SMC5: variants seen among roughly 807,000 people sequenced by gnomAD.
SMC5 encodes structural maintenance of chromosomes 5, also known as structural maintenance of chromosomes protein 5.
A neutral mutation model predicts 148.3 loss-of-function variants in SMC5; 88 were observed. The observed-to-expected ratio is 0.59, with a 90% CI of 0.50 to 0.71. The LOEUF is 0.71. SMC5 is among the 30% of genes least tolerant of loss of function. SMC5 has a pLI of 0.00. For synonymous variants in SMC5, 421 were observed against 432.8 expected (o/e 0.97, Z 0.34); for missense variants, 1,142 against 1,298.9 (o/e 0.88, Z 1.86).
chr9:70,282,558 A>G lies in SMC5; in HGVS notation c.956A>G (p.Asn319Ser). ...RIEEMENERH[N>S]LEARIKEKAT... The stretch of plus-strand genomic sequence containing the variant: ...GAAGAAATGGAAAACGAGCGTCACA[A>G]TTTGGAGGCTCGAATCAAAGAAAAG... The change falls in exon 7 of 25, where the codon AAT becomes AGT. Residue 319 changes from asparagine to serine, a missense_variant. Coordinates refer to ENST00000361138, the MANE Select transcript of SMC5 (RefSeq NM_015110.4). 6.3e-7 allele frequency: 1 copy of G among 1,583,796 alleles called. No individual in the cohort carries two copies. Among genetic ancestry groups the G allele is most frequent in the Non-Finnish European group, 8.5e-7 (1 of 1,169,842 alleles).
At chr9:70,282,830 G>A (rs991888265) in intron 7 of SMC5, among the ~76,000 whole-genome samples, 9 of 152,102 alleles carry the variant, frequency 5.9e-5, no homozygotes, top group Non-Finnish European at 1.3e-4. Flanking sequence ...TTAGGTACAA[G>A]AGGATTCATA....
chr9:70,335,664 C>T (rs1396216973), intron 17 of SMC5, among the ~76,000 whole-genome samples: 1 of 152,084 alleles, frequency 6.6e-6, no homozygotes, highest in Non-Finnish European at 1.5e-5. Flanking sequence ...AGAGCATACA[C>T]TATATAATTT....
intron 9 of SMC5, among the ~76,000 whole-genome samples, chr9:70,299,307 A>G (rs571795353): frequency 6.8e-4 from 103 of 152,054 alleles, no homozygotes; most frequent in Middle Eastern, 6.8e-3. Context: ...CACTTCATTG[A>G]TAGCTTTTAA....
chr9:70,296,502 G>A (rs540966247), intron 8 of SMC5, among the ~76,000 whole-genome samples: 43 of 150,692 alleles, frequency 2.9e-4, no homozygotes, highest in African/African-American at 1.0e-3. Context: ...GCAGTGAACC[G>A]AGATCGCACC....
At chr9:70,330,311 T>C in intron 17 of SMC5, among the ~76,000 whole-genome samples, 1 of 152,104 alleles carries the variant, frequency 6.6e-6, no homozygotes. Flanking sequence ...TTCACCCCAG[T>C]TGTTACAATC....
chr9:70,323,573 G>T lies in SMC5; in HGVS notation c.2241G>T (p.Ala747=), dbSNP rs374922058. 7 of 1,611,896 alleles carry T rather than the reference G, an allele frequency of 4.3e-6. No individual in the cohort carries two copies. The highest frequency in any genetic ancestry group is 5.9e-6 in the Non-Finnish European group (7 of 1,179,232). The stretch of plus-strand genomic sequence containing the variant: ...TCAAAGAAATAAATGTTCAAAAAGC[G>T]AAACTTGTTACCGAATTAACAAACC... ...TKIKEINVQK[A]KLVTELTNLI... Residue 747 remains alanine, a synonymous_variant, in exon 16 of 25, where the codon GCG becomes GCT. Transcript: ENST00000361138.
intron 17 of SMC5, among the ~76,000 whole-genome samples, chr9:70,340,924 CT>C (rs1396654597): frequency 1.3e-5 from 2 of 151,990 alleles, no homozygotes. Context: ...ACAAAGTAAT[CT>C]TTTTTGAGAT....
intron 13 of SMC5, among the ~76,000 whole-genome samples, chr9:70,316,683 A>G (rs916418481): frequency 2.6e-5 from 4 of 152,090 alleles, no homozygotes; most frequent in African/African-American, 9.6e-5. Context: ...CAGAAAGACA[A>G]TAGAAAGGTT....
chr9:70,317,484 A>G (rs2035832699), intron 13 of SMC5, among the ~76,000 whole-genome samples: 1 of 152,084 alleles, frequency 6.6e-6, no homozygotes, highest in South Asian at 2.1e-4. Flanking sequence ...CATCCAGTCT[A>G]TCCCTTTTTT....
At chr9:70,268,292 A>G (rs2034347522) in intron 3 of SMC5, among the ~76,000 whole-genome samples, 1 of 152,092 alleles carries the variant, frequency 6.6e-6, no homozygotes, top group African/African-American at 2.4e-5. Context: ...CTAAAAATAG[A>G]AAAATTATCC....
intron 3 of SMC5, among the ~76,000 whole-genome samples, chr9:70,273,509 A>G (rs2034506698): frequency 6.6e-6 from 1 of 151,880 alleles, no homozygotes; most frequent in Non-Finnish European, 1.5e-5. Context: ...ATTAATTTCT[A>G]TTCTTACCTT....
chr9:70,290,388 T>G (rs2035026187), intron 8 of SMC5, among the ~76,000 whole-genome samples: 1 of 152,226 alleles, frequency 6.6e-6, no homozygotes, highest in Non-Finnish European at 1.5e-5. Flanking sequence ...GGGCTTGTTA[T>G]GAATAATAAA....
intron 11 of SMC5, chr9:70,310,846 T>C (rs1299951785): frequency 6.6e-6 from 1 of 152,258 alleles, no homozygotes; most frequent in East Asian, 1.9e-4. Context: ...CACTTTTATG[T>C]TATGGAAATG....
chr9:70,297,610 A>G (rs2035236513), intron 8 of SMC5, among the ~76,000 whole-genome samples: 1 of 152,196 alleles, frequency 6.6e-6, no homozygotes, highest in African/African-American at 2.4e-5. Flanking sequence ...TGTATCACAT[A>G]TGCCACATGA....
Position 70,264,339 on chromosome 9 carries a change from A to C in SMC5, c.221A>C (p.His74Pro). 1 of 1,613,992 alleles carries C rather than the reference A, an allele frequency of 6.2e-7. No individual in the cohort carries two copies. Among genetic ancestry groups the C allele is most frequent in the Non-Finnish European group, 8.5e-7 (1 of 1,179,912 alleles). ...ATTTGTGAAGTATCTCCTGGACCCC[A>C]CTTGAATATGATCGTTGGAGCCAAT... The part of the protein sequence containing the change: ...YDICEVSPGP[H>P]LNMIVGANGT... Residue 74 changes from histidine to proline, a missense_variant, in exon 2 of 25, where the codon CAC becomes CCC. Physicochemically the swap from His to Pro is moderately conservative, Grantham distance 77 (BLOSUM62 -2). This residue lies in a region of SMC5 where 297 missense variants were observed against 302.6 expected (regional missense o/e 0.98). Transcript: ENST00000361138.
At chr9:70,269,155 A>G (rs2034376023) in intron 3 of SMC5, among the ~76,000 whole-genome samples, 1 of 152,192 alleles carries the variant, frequency 6.6e-6, no homozygotes, top group Non-Finnish European at 1.5e-5. Flanking sequence ...ATAAACATGG[A>G]AGTAAAAAGA....
chr9:70,320,338 C>T (rs1020340630), intron 15 of SMC5, among the ~76,000 whole-genome samples: 2 of 152,134 alleles, frequency 1.3e-5, no homozygotes, highest in African/African-American at 4.8e-5. Flanking sequence ...GCGGAAGGAT[C>T]ACTTGAGTCC....
chr9:70,279,387 G>A (rs2034683146), intron 5 of SMC5, among the ~76,000 whole-genome samples: 1 of 152,084 alleles, frequency 6.6e-6, no homozygotes, highest in Admixed American at 6.6e-5. Context: ...AGGCATGGTG[G>A]CGCACACCTG....
In SMC5 at chr9:70,278,594, AAAACTT is replaced by A. The variant is rs1250490136; in HGVS notation, c.650_655del (p.Asn217_Leu218del). 1 of 1,610,534 alleles carries A rather than the reference AAAACTT, an allele frequency of 6.2e-7. No homozygotes were observed. The highest frequency in any genetic ancestry group is 8.5e-7 in the Non-Finnish European group (1 of 1,178,894). On this transcript the variant is annotated inframe_deletion, in exon 5 of 25. Coordinates refer to ENST00000361138, the MANE Select transcript of SMC5 (RefSeq NM_015110.4). ...ATGCACAAATATCACTGTGAACTCA[AAAACTT>A]AAGGGAGAAAGAAAAACAGCTCGAG...
Sources: gnomAD v4.1 joint callset for allele counts (sites outside exome capture counted in the v4.1 genomes callset) on GRCh38, gnomAD v4.1.1 for gene constraint, gnomAD v4.1.1 regional missense constraint, MANE v1.5 for transcripts, NCBI Gene and HGNC (gene_info 2026-07-23, HGNC 2026-07-21) for gene names.